Variants in ADARB2 observed in about 807,000 individuals in gnomAD.
ADARB2 encodes the protein adenosine deaminase RNA specific B2 (inactive), also known as inactive double-stranded RNA-specific editase B2.
In ADARB2, 25 loss-of-function variants were observed where a neutral mutation model predicts 62.2. That is an observed-to-expected ratio of 0.40 (90% CI 0.29 to 0.56). The LOEUF is 0.56. Ranked by LOEUF, ADARB2 falls within the 20% of genes least tolerant of loss-of-function variation. ADARB2 has a pLI of 0.43. For missense variants in ADARB2, 1,071 were observed against 1,077.4 expected (o/e 0.99, Z 0.08); for synonymous variants, 572 against 500.8 (o/e 1.14, Z -1.90).
chr10:1,479,069 A>C (rs1831437467), intron 1 of ADARB2, among the ~76,000 whole-genome samples: 1 of 152,182 alleles, frequency 6.6e-6, no homozygotes, highest in African/African-American at 2.4e-5. Flanking sequence ...TGTCTTGGGC[A>C]GGGGCAGCAT....
intron 3 of ADARB2, among the ~76,000 whole-genome samples, chr10:1,313,485 C>T (rs1314807645): frequency 1.3e-5 from 2 of 152,206 alleles, no homozygotes; most frequent in Non-Finnish European, 2.9e-5. Flanking sequence ...CATTCACGAG[C>T]GACTGTCCCT....
chr10:1,222,895 G>A (rs1391822579), intron 6 of ADARB2, among the ~76,000 whole-genome samples: 2 of 151,242 alleles, frequency 1.3e-5, no homozygotes, highest in African/African-American at 4.9e-5. Flanking sequence ...ACTTGGTGAT[G>A]TGGGCTCTTT....
At chr10:1,278,997 A>C (rs1292051595) in intron 3 of ADARB2, among the ~76,000 whole-genome samples, 1 of 152,148 alleles carries the variant, frequency 6.6e-6, no homozygotes, top group Non-Finnish European at 1.5e-5. Context: ...AAAAAGTAAA[A>C]TTTCAGAAAA....
chr10:1,506,459 A>G (rs1208252213), intron 1 of ADARB2, among the ~76,000 whole-genome samples: 1 of 152,260 alleles, frequency 6.6e-6, no homozygotes, highest in Non-Finnish European at 1.5e-5. Context: ...CCCAAGCACC[A>G]GACACCAGCA....
At chr10:1,623,242 A>G (rs1833728052) in intron 1 of ADARB2, among the ~76,000 whole-genome samples, 1 of 152,216 alleles carries the variant, frequency 6.6e-6, no homozygotes, top group Non-Finnish European at 1.5e-5. Flanking sequence ...CACATCCATG[A>G]AGCCCACATT....
intron 5 of ADARB2, among the ~76,000 whole-genome samples, chr10:1,234,737 CTTTTTTTTTT>C (rs71376899): frequency 2.2e-4 from 12 of 53,634 alleles, no homozygotes; most frequent in African/African-American, 2.9e-4. Flanking sequence ...CGACCATGAT[CTTTTTTTTTT>C]TTTTTTTTTT....
At chr10:1,197,761 CT>C (rs1313086315) in intron 8 of ADARB2, among the ~76,000 whole-genome samples, 1 of 152,208 alleles carries the variant, frequency 6.6e-6, no homozygotes, top group African/African-American at 2.4e-5. Context: ...GTTTAACATG[CT>C]GTTAACACAA....
At chr10:1,474,388 G>C (rs1018598676) in intron 1 of ADARB2, among the ~76,000 whole-genome samples, 6 of 152,208 alleles carry the variant, frequency 3.9e-5, no homozygotes, top group Non-Finnish European at 8.8e-5. Flanking sequence ...ACGGAGCTCA[G>C]AGCAGGGGCA....
chr10:1,265,150 G>T (rs1222324897), intron 4 of ADARB2, among the ~76,000 whole-genome samples: 13 of 152,236 alleles, frequency 8.5e-5, no homozygotes, highest in Admixed American at 8.5e-4. Flanking sequence ...AGGGCATCAG[G>T]AAAGCCACTT....
chr10:1,444,449 T>A (rs1256048729), intron 1 of ADARB2, among the ~76,000 whole-genome samples: 1 of 145,440 alleles, frequency 6.9e-6, no homozygotes, highest in Non-Finnish European at 1.5e-5. Flanking sequence ...CATCCATTGA[T>A]CATCCATCTA....
chr10:1,646,254 C>T (rs1197170175), intron 1 of ADARB2, among the ~76,000 whole-genome samples: 1 of 152,242 alleles, frequency 6.6e-6, no homozygotes, highest in Non-Finnish European at 1.5e-5. Flanking sequence ...GTTCCCTTTA[C>T]TGCTGCCATC....
chr10:1,700,685 C>T (rs1448821289), intron 1 of ADARB2, among the ~76,000 whole-genome samples: 303 of 5,754 alleles, frequency 0.053, 3 homozygotes, highest in African/African-American at 0.057. Context: ...ACATGCAATC[C>T]CACTCCACCG....
At chr10:1,226,862 G>T (rs931366070) in intron 6 of ADARB2, among the ~76,000 whole-genome samples, 6 of 66,894 alleles carry the variant, frequency 9.0e-5, no homozygotes, top group African/African-American at 3.4e-4. Flanking sequence ...GGGGTCAGGT[G>T]GAGGCAGTCC....
At chr10:1,511,642 T>G (rs1831937854) in intron 1 of ADARB2, among the ~76,000 whole-genome samples, 1 of 151,992 alleles carries the variant, frequency 6.6e-6, no homozygotes, top group African/African-American at 2.4e-5. Flanking sequence ...TGGAGCTGTC[T>G]ACACTGGATA....
At chr10:1,379,617 A>C (rs1832464707) in intron 1 of ADARB2, among the ~76,000 whole-genome samples, 1 of 152,214 alleles carries the variant, frequency 6.6e-6, no homozygotes, top group African/African-American at 2.4e-5. Context: ...TCTGGGCTTG[A>C]CATGCATTAA....
chr10:1,676,332 C>T (rs953518284), intron 1 of ADARB2, among the ~76,000 whole-genome samples: 2 of 152,080 alleles, frequency 1.3e-5, no homozygotes, highest in Non-Finnish European at 2.9e-5. Context: ...AGTGAATGGT[C>T]AAGGCTTCCT....
chr10:1,678,249 G>C, intron 1 of ADARB2: 3 of 985,222 alleles, frequency 3.0e-6, no homozygotes, highest in Non-Finnish European at 2.4e-6. Context: ...TGTCCTCGGG[G>C]TGAGCATCCT....
At chr10:1,289,999 A>G (rs1831450716) in intron 3 of ADARB2, 1 of 152,266 alleles carries the variant, frequency 6.6e-6, no homozygotes, top group Non-Finnish European at 1.5e-5. Flanking sequence ...GGTTACAGAC[A>G]TTGAGGCATT....
At chr10:1,588,827 A>C (rs1752109847) in intron 1 of ADARB2, among the ~76,000 whole-genome samples, 1 of 152,210 alleles carries the variant, frequency 6.6e-6, no homozygotes. Flanking sequence ...CGCAGATGAC[A>C]AGATCGATAC....
Sources: gnomAD v4.1 joint callset for allele counts (sites outside exome capture counted in the v4.1 genomes callset) on GRCh38, gnomAD v4.1.1 for gene constraint, MANE v1.5 for transcripts, NCBI Gene and HGNC (gene_info 2026-07-23, HGNC 2026-07-21) for gene names.